Variants in FHIT observed in about 807,000 individuals in gnomAD.
The protein encoded by FHIT is bis(5'-adenosyl)-triphosphatase.
A neutral mutation model predicts 17.9 loss-of-function variants in FHIT; 19 were observed. That is an observed-to-expected ratio of 1.06 (90% CI 0.74 to 1.56). The LOEUF (loss-of-function observed/expected upper bound fraction) is 1.56. Among genes scored for constraint, FHIT ranks in the 40% most tolerant of loss-of-function variants. The pLI, the probability that FHIT is intolerant of heterozygous loss-of-function variation, is 0.00. For missense variants in FHIT, 248 were observed against 189.2 expected, an observed-to-expected ratio of 1.31 and a Z score of -1.82; for synonymous variants, 81 against 69.7, an observed-to-expected ratio of 1.16 and a Z score of -0.81.
chr3:61,038,312 G>GA (rs571859932), intron 3 of FHIT, among the ~76,000 whole-genome samples: 4 of 152,052 alleles, frequency 2.6e-5, no homozygotes, highest in Non-Finnish European at 5.9e-5. Flanking sequence ...CATCCCTTAA[G>GA]AAAAAATAAG....
intron 5 of FHIT, among the ~76,000 whole-genome samples, chr3:60,515,287 C>T (rs1207723874): frequency 6.6e-6 from 1 of 152,142 alleles, no homozygotes; most frequent in Non-Finnish European, 1.5e-5. Context: ...AGATCCTGCC[C>T]CTGTCCCTGG....
At chr3:60,052,322 T>C (rs954203830) in intron 5 of FHIT, among the ~76,000 whole-genome samples, 19 of 152,106 alleles carry the variant, frequency 1.2e-4, no homozygotes, top group Admixed American at 5.9e-4. Flanking sequence ...CCTGAAAAAC[T>C]AGACTCAAAC....
At chr3:59,764,108 G>A (rs1008604885) in intron 8 of FHIT, among the ~76,000 whole-genome samples, 2 of 152,188 alleles carry the variant, frequency 1.3e-5, no homozygotes, top group Non-Finnish European at 2.9e-5. Context: ...GGGGCTCAAT[G>A]TTTGCTTACT....
rs1264969523 is a variant in FHIT, at chr3:61,040,929, T to C, written c.-111+1118A>G. Among the ~76,000 whole-genome samples the C allele has an allele frequency of 2.6e-5, 4 of 152,244 alleles. No homozygotes were observed. The East Asian group carries it at 7.7e-4, about 29-fold the overall frequency. On this transcript the variant is annotated intron_variant, in intron 3 of 9. Coordinates refer to ENST00000492590, the MANE Select transcript of FHIT (RefSeq NM_002012.4). ...GGAGCATGTCCATAAATCAGCAATA[T>C]AGCAGAGATGGGGCTTCTTATCCTT...
intron 5 of FHIT, among the ~76,000 whole-genome samples, chr3:60,252,510 G>A (rs77193170): frequency 1.1e-4 from 16 of 152,030 alleles, no homozygotes; most frequent in South Asian, 4.2e-4. Context: ...GCTGCACTGC[G>A]GCATGATCAT....
At chr3:60,352,273 A>C (rs966794849) in intron 5 of FHIT, among the ~76,000 whole-genome samples, 4 of 152,138 alleles carry the variant, frequency 2.6e-5, no homozygotes, top group African/African-American at 9.7e-5. Context: ...TTAAGCACTC[A>C]GTCTGTCAGT....
intron 1 of FHIT, among the ~76,000 whole-genome samples, chr3:61,239,442 G>A (rs1342902372): frequency 6.6e-6 from 1 of 152,014 alleles, no homozygotes; most frequent in Non-Finnish European, 1.5e-5. Flanking sequence ...ATTAATACCA[G>A]CTCTTCATAT....
At chr3:60,150,110 C>A (rs113955130) in intron 5 of FHIT, among the ~76,000 whole-genome samples, 1 of 149,048 alleles carries the variant, frequency 6.7e-6, no homozygotes, top group Admixed American at 6.8e-5. Flanking sequence ...ATTCTCCTGC[C>A]TCAGCCTTCC....
At chr3:59,988,005 T>G (rs1390733909) in intron 7 of FHIT, among the ~76,000 whole-genome samples, 1 of 149,820 alleles carries the variant, frequency 6.7e-6, no homozygotes. Flanking sequence ...AATGAATTTA[T>G]GACTGTAAAA....
intron 3 of FHIT, among the ~76,000 whole-genome samples, chr3:60,920,930 T>C (rs550227600): frequency 6.6e-6 from 1 of 152,240 alleles, no homozygotes; most frequent in Non-Finnish European, 1.5e-5. Flanking sequence ...TTCATTTTTA[T>C]TATTTTATTG....
rs185262533 is a variant in FHIT, at chr3:60,470,175, A to T, written c.103+66685T>A. Among the ~76,000 whole-genome samples, 254 of 152,000 alleles carry T rather than the reference A, an allele frequency of 1.7e-3. 1 individual carries two copies. Among genetic ancestry groups the T allele is most frequent in the African/African-American group, 5.8e-3 (240 of 41,454 alleles). ...GGGTCAGAAATGAAGCCAGCCTAAC[A>T]CTGGGTCTCACCCAAGGCCTACAAC... On this transcript the variant is annotated intron_variant, in intron 5 of 9. Coordinates refer to ENST00000492590, the MANE Select transcript of FHIT (RefSeq NM_002012.4).
At chr3:60,617,529 C>A (rs1225682592) in intron 4 of FHIT, 1 of 152,952 alleles carries the variant, frequency 6.5e-6, no homozygotes, top group African/African-American at 2.4e-5. Flanking sequence ...ATTCAGGGTA[C>A]CAAGCAGGTA....
intron 4 of FHIT, among the ~76,000 whole-genome samples, chr3:60,809,588 T>C (rs1553735477): frequency 6.6e-6 from 1 of 152,206 alleles, no homozygotes; most frequent in East Asian, 1.9e-4. Flanking sequence ...CTTGCTTCTT[T>C]AGCAAATTCT....
chr3:60,800,999 T>C (rs933069163), intron 4 of FHIT, among the ~76,000 whole-genome samples: 3 of 152,150 alleles, frequency 2.0e-5, no homozygotes, highest in Non-Finnish European at 2.9e-5. Context: ...CTAATGGTGG[T>C]CTTGGTAGGG....
intron 8 of FHIT, among the ~76,000 whole-genome samples, chr3:59,882,998 A>G (rs994236792): frequency 1.3e-5 from 2 of 152,180 alleles, no homozygotes; most frequent in African/African-American, 4.8e-5. Context: ...GCAAACCTCC[A>G]TTCTTTCCAA....
chr3:60,283,340 A>T (rs1707557118), intron 5 of FHIT, among the ~76,000 whole-genome samples: 1 of 152,100 alleles, frequency 6.6e-6, no homozygotes, highest in South Asian at 2.1e-4. Context: ...ATTATATGTG[A>T]CAAAATCATA....
At chr3:60,363,279 G>A (rs1699976800) in intron 5 of FHIT, among the ~76,000 whole-genome samples, 1 of 152,128 alleles carries the variant, frequency 6.6e-6, no homozygotes, top group Non-Finnish European at 1.5e-5. Context: ...TGACGTGTGT[G>A]TGTGCCTATG....
intron 5 of FHIT, among the ~76,000 whole-genome samples, chr3:60,204,127 A>C (rs1383164521): frequency 6.6e-6 from 1 of 152,228 alleles, no homozygotes; most frequent in Non-Finnish European, 1.5e-5. Flanking sequence ...GGAGATGGAT[A>C]CTGCATTTAC....
chr3:61,229,539 G>A (rs957936425), intron 1 of FHIT, among the ~76,000 whole-genome samples: 49 of 152,182 alleles, frequency 3.2e-4, no homozygotes, highest in African/African-American at 1.1e-3. Flanking sequence ...TTAGCTAGCT[G>A]TAGTACCTTA....
Sources: gnomAD v4.1 joint callset for allele counts (sites outside exome capture counted in the v4.1 genomes callset) on GRCh38, gnomAD v4.1.1 for gene constraint, MANE v1.5 for transcripts, NCBI Gene and HGNC (gene_info 2026-07-23, HGNC 2026-07-21) for gene names.